DUOX1: variants seen among roughly 807,000 people sequenced by gnomAD.
DUOX1 encodes dual oxidase 1.
DUOX1 carries 134 observed loss-of-function variants against 181.8 expected under a neutral mutation model. That is an observed-to-expected ratio of 0.74 (90% CI 0.64 to 0.85). DUOX1 has a LOEUF of 0.85. Ranked by LOEUF, DUOX1 falls within the 40% of genes least tolerant of loss-of-function variation. The pLI, the probability that DUOX1 is intolerant of heterozygous loss-of-function variation, is 0.00. For synonymous variants in DUOX1, 798 were observed against 832.5 expected, an observed-to-expected ratio of 0.96 and a Z score of 0.71; for missense variants, 1,814 against 2,064.4, an observed-to-expected ratio of 0.88 and a Z score of 2.35.
At chr15:45,152,551 G>T (rs367909674) in intron 25 of DUOX1, 35 bp downstream of exon 25, 1 of 1,587,592 alleles carries the variant, frequency 6.3e-7, no homozygotes, top group Non-Finnish European at 8.6e-7. Flanking sequence ...GCTCTCCAGG[G>T]CCTCCCGCCC....
intron 28 of DUOX1, among the ~76,000 whole-genome samples, 200 bp downstream of exon 28, chr15:45,156,129 G>A (rs1221105783): frequency 6.6e-6 from 1 of 152,154 alleles, no homozygotes; most frequent in African/African-American, 2.4e-5. Context: ...TTGGAAGCTC[G>A]GCTCCCTGGC....
intron 21 of DUOX1, among the ~76,000 whole-genome samples, chr15:45,149,524 A>AT (rs3837721): frequency 0.26 from 39,056 of 152,002 alleles, 5,390 homozygotes; most frequent in South Asian, 0.47. Context: ...TTGACTCCAG[A>AT]TTTTTTTTAT....
chr15:45,143,473 T>C (rs1896561179), intron 16 of DUOX1, among the ~76,000 whole-genome samples, 170 bp downstream of exon 16: 1 of 151,962 alleles, frequency 6.6e-6, no homozygotes, highest in Admixed American at 6.5e-5. Context: ...GCCTCCAGAG[T>C]TTCTCATGTG....
At position 45,148,411 on chromosome 15, in the gene DUOX1, A is replaced by C. The variant is rs1896715810; in HGVS notation, c.2782A>C (p.Asn928His). ...TTTTCACTTCATGCTGCGGGACCAC[A>C]ATAGCGAGCTCCGCTTCACGCAGCT... ...EDFHFMLRDHNSELRFTQLCV... is the reference protein window; with the variant it reads ...EDFHFMLRDHHSELRFTQLCV... The change falls in exon 21 of 34, where the codon AAT becomes CAT. Residue 928 changes from asparagine (N) to histidine (H), a missense_variant. By Grantham distance (68) the Asn-to-His change is moderately conservative. This residue lies in a region of DUOX1 where 1,064 missense variants were observed against 1,152.9 expected (regional missense o/e 0.92). Transcript: ENST00000389037. 2.5e-6 allele frequency: 4 copies of C among 1,614,154 alleles called. No homozygotes were observed. Among genetic ancestry groups the C allele is most frequent in the Non-Finnish European group, 3.4e-6 (4 of 1,180,000 alleles).
rs1003441169 is a variant in DUOX1, at chr15:45,135,494, G to T, written c.516G>T (p.Trp172Cys). The change falls in exon 6 of 34, where the codon TGG becomes TGT. Residue 172 changes from tryptophan (W) to cysteine (C), a missense_variant. Physicochemically the swap from Trp to Cys is radical, Grantham distance 215. Around this residue, in one of 5 missense-constraint regions of DUOX1, gnomAD observed 320 missense variants for 313.1 expected, o/e 1.02. Transcript: ENST00000389037. ...CGCAGGCCAACCAGGTGACGGGCTGGCTGGACGGCAGCGCCATCTATGGTT... is the reference window on the plus strand; with the variant it reads ...CGCAGGCCAACCAGGTGACGGGCTGTCTGGACGGCAGCGCCATCTATGGTT... ...PRDPANQVTG[W>C]LDGSAIYGSS... 8 of 1,555,776 alleles carry T rather than the reference G, an allele frequency of 5.1e-6. No individual in the cohort carries two copies. In the African/African-American group the frequency reaches 8.2e-5, roughly 16 times the overall value.
chr15:45,150,833 C>T (rs752831116), intron 22 of DUOX1, 132 bp downstream of exon 22: 38 of 901,314 alleles, frequency 4.2e-5, no homozygotes, highest in Non-Finnish European at 5.8e-5. Flanking sequence ...ACACCCCTTT[C>T]TCTAGGCAGA....
chr15:45,141,121 G>T, intron 13 of DUOX1, 51 bp downstream of exon 13: 1 of 1,610,064 alleles, frequency 6.2e-7, no homozygotes, highest in Non-Finnish European at 8.5e-7. Context: ...CTGGGCCCCA[G>T]ACCCTCTTTC....
intron 16 of DUOX1, 104 bp downstream of exon 16, chr15:45,143,407 G>C: frequency 1.2e-6 from 1 of 868,744 alleles, no homozygotes; most frequent in Non-Finnish European, 1.8e-6. Context: ...CCCTTTTCTA[G>C]GACTGTAGGC....
At chr15:45,145,994 G>A (rs1896643544) in intron 18 of DUOX1, among the ~76,000 whole-genome samples, 1 of 152,140 alleles carries the variant, frequency 6.6e-6, no homozygotes, top group African/African-American at 2.4e-5. Context: ...GATGGAACAT[G>A]CACAGAAAGG....
intron 28 of DUOX1, 97 bp from the exon 29 acceptor site, chr15:45,160,740 T>C: frequency 7.5e-7 from 1 of 1,341,386 alleles, no homozygotes; most frequent in Non-Finnish European, 9.6e-7. Flanking sequence ...GGGCTGGATA[T>C]ACCAGCGGGG....
At chr15:45,156,774 C>G (rs1896979307) in intron 28 of DUOX1, among the ~76,000 whole-genome samples, 1 of 152,190 alleles carries the variant, frequency 6.6e-6, no homozygotes, top group Non-Finnish European at 1.5e-5. Flanking sequence ...CTTTCCTTCT[C>G]CTTAACCTTG....
chr15:45,162,369 T>C lies in DUOX1; in HGVS notation c.4240T>C (p.Cys1414Arg). ...FKSSVSCQVF[C>R]KKIYFIWVTR... ...GTCATCCGTCAGCTGCCAAGTGTTC[T>C]GTAAGAAGGTGAGTACTGCCCCCAC... is the stretch of plus-strand genomic sequence containing the variant. Residue 1414 changes from cysteine to arginine, a missense_variant, in exon 31 of 34, where the codon TGT (cysteine) becomes CGT (arginine). Physicochemically the swap from Cys to Arg is radical, Grantham distance 180 (BLOSUM62 -3). Coordinates refer to ENST00000389037, the MANE Select transcript of DUOX1 (RefSeq NM_175940.3). 1 of 1,613,744 alleles carries C rather than the reference T, an allele frequency of 6.2e-7. No individual in the cohort carries two copies. The highest frequency in any genetic ancestry group is 8.5e-7 in the Non-Finnish European group (1 of 1,179,788).
chr15:45,161,095 A>G, intron 29 of DUOX1, 105 bp downstream of exon 29: 6 of 1,528,734 alleles, frequency 3.9e-6, no homozygotes, highest in Non-Finnish European at 5.3e-6. Context: ...TGGAGCTGGC[A>G]GGTGCCTTGG....
rs1436101454 is a variant in DUOX1 at position 45,135,359 on chromosome 15, C to G, written c.495+68C>G. 10 of 1,506,178 alleles carry G rather than the reference C, an allele frequency of 6.6e-6. No homozygotes were observed. The East Asian group carries it at 2.0e-4, about 30-fold the overall frequency. The allele number at this position is 1,506,178 out of a possible 1,614,324, so 93.3% of individuals were successfully genotyped here. ...GGTGGGACCTGGGCTTCGGGCCTGGCAGGGCCTGGAGGGGAGAGGCGCCCA... is the reference window on the plus strand; with the variant it reads ...GGTGGGACCTGGGCTTCGGGCCTGGGAGGGCCTGGAGGGGAGAGGCGCCCA... On this transcript the variant is annotated intron_variant, in intron 5 of 33. Transcript: ENST00000389037.
intron 18 of DUOX1, 54 bp downstream of exon 18, chr15:45,145,134 A>G: frequency 1.4e-6 from 2 of 1,476,078 alleles, no homozygotes; most frequent in South Asian, 1.4e-5. Context: ...CCTTACCTGC[A>G]TGAGGCCATG....
chr15:45,157,068 G>A lies in DUOX1; in HGVS notation c.3702+1139G>A, dbSNP rs187363848. 1.2e-3 allele frequency among the ~76,000 whole-genome samples: 190 copies of A among 152,278 alleles called. 1 individual carries two copies. Among genetic ancestry groups the A allele is most frequent in the African/African-American group, 4.5e-3 (185 of 41,554 alleles). ...CCGAGACAAAGAGAAACTGCACCAT[G>A]GCCTCGGTCAGGTTGGCTCCTGCCA... is the stretch of plus-strand genomic sequence containing the variant. On this transcript the variant is annotated intron_variant, in intron 28 of 33. Coordinates refer to ENST00000389037, the MANE Select transcript of DUOX1 (RefSeq NM_175940.3).
At chr15:45,161,126 G>A (rs1897089126) in intron 29 of DUOX1, 136 bp downstream of exon 29, 3 of 1,363,930 alleles carry the variant, frequency 2.2e-6, no homozygotes, top group Admixed American at 2.2e-5. Context: ...CAAAGGAGCT[G>A]GTAGGGGCAA....
At chr15:45,136,450 GT>G (rs1567008830) in intron 8 of DUOX1, 40 bp downstream of exon 8, 4 of 1,613,826 alleles carry the variant, frequency 2.5e-6, no homozygotes, top group Non-Finnish European at 3.4e-6. Flanking sequence ...GCTTGCGTGT[GT>G]CTTGCGGGGT....
At position 45,142,270 on chromosome 15, in the gene DUOX1, G is replaced by A. The variant is rs566518743; in HGVS notation, c.1822+158G>A. On this transcript the variant is annotated intron_variant, in intron 15 of 33. Coordinates refer to ENST00000389037, the MANE Select transcript of DUOX1 (RefSeq NM_175940.3). ...TAGAGGAGGAAGGGACAAGAGAAGT[G>A]TTTGACCTGCAGAGAAGTCAGCTCC... is the stretch of plus-strand genomic sequence containing the variant. Among the ~76,000 whole-genome samples the A allele has an allele frequency of 2.0e-5, 3 of 152,326 alleles. No homozygotes were observed. The South Asian group carries it at 6.2e-4, about 32-fold the overall frequency.
Sources: allele counts gnomAD v4.1 joint callset (sites outside exome capture counted in the v4.1 genomes callset), GRCh38; gene constraint gnomAD v4.1.1; regional missense constraint gnomAD v4.1.1; transcripts MANE v1.5; gene names NCBI Gene and HGNC (gene_info 2026-07-23, HGNC 2026-07-21).